The following DGKB variants were observed in gnomAD, a reference collection of about 807,000 sequenced individuals.
The protein encoded by DGKB is diacylglycerol kinase beta.
A neutral mutation model predicts 114.3 loss-of-function variants in DGKB; 67 were observed. That is an observed-to-expected ratio of 0.59 (90% CI 0.48 to 0.72). The LOEUF (loss-of-function observed/expected upper bound fraction) is 0.72, where lower values mean the gene tolerates loss of function less well. Ranked by LOEUF, DGKB falls within the 30% of genes least tolerant of loss-of-function variation. The pLI, the probability that DGKB is intolerant of heterozygous loss-of-function variation, is 0.00. For missense variants in DGKB, 907 were observed against 975.2 expected, an observed-to-expected ratio of 0.93 and a Z score of 0.93; for synonymous variants, 398 against 323.1, an observed-to-expected ratio of 1.23 and a Z score of -2.49.
intron 23 of DGKB, among the ~76,000 whole-genome samples, chr7:14,264,448 A>G (rs1797209182): frequency 6.6e-6 from 1 of 152,144 alleles, no homozygotes. Context: ...TTTTTTAGGC[A>G]GAGGTCCTAA....
At chr7:14,541,695 T>C (rs1314278421) in intron 20 of DGKB, among the ~76,000 whole-genome samples, 1 of 152,194 alleles carries the variant, frequency 6.6e-6, no homozygotes, top group Admixed American at 6.5e-5. Flanking sequence ...GTACCTTCTA[T>C]AGGCTTTTCT....
chr7:14,254,381 G>C (rs138130956), intron 23 of DGKB, among the ~76,000 whole-genome samples: 1,567 of 152,192 alleles, frequency 0.01, 9 homozygotes, highest in South Asian at 0.017. Flanking sequence ...CTCTGATCTT[G>C]ATATCACATG....
At chr7:14,295,282 G>A (rs1445831578) in intron 23 of DGKB, among the ~76,000 whole-genome samples, 3 of 152,106 alleles carry the variant, frequency 2.0e-5, no homozygotes, top group Admixed American at 1.3e-4. Flanking sequence ...AACCATCATT[G>A]TCTGATAACC....
rs1429150448 is a variant in DGKB at position 14,372,999 on chromosome 7, C to A, written c.1836-27608G>T. ...TGGAGGGGATAAGGCCACAACTCTA[C>A]GTTTGATCCATAAGGTGTTAGGAAA... On this transcript the variant is annotated intron_variant, in intron 21 of 25. Transcript: ENST00000402815. 2.0e-5 allele frequency among the ~76,000 whole-genome samples: 3 copies of A among 152,148 alleles called. No homozygotes were observed. In the South Asian group the frequency reaches 6.2e-4, roughly 31 times the overall value.
chr7:14,957,098 G>C (rs1464831966), intron 1 of DGKB, among the ~76,000 whole-genome samples: 1 of 151,734 alleles, frequency 6.6e-6, no homozygotes, highest in African/African-American at 2.4e-5. Flanking sequence ...AAAATTTTCT[G>C]TTTCAAAGTT....
At chr7:14,829,706 TAAC>T (rs1376294658) in intron 2 of DGKB, among the ~76,000 whole-genome samples, 1 of 152,028 alleles carries the variant, frequency 6.6e-6, no homozygotes, top group African/African-American at 2.4e-5. Context: ...GTAGATAAGG[TAAC>T]AAGAGGAAAA....
At chr7:14,824,573 ATC>A (rs1845399471) in intron 2 of DGKB, among the ~76,000 whole-genome samples, 1 of 152,140 alleles carries the variant, frequency 6.6e-6, no homozygotes, top group Non-Finnish European at 1.5e-5. Context: ...TGAAAAAATA[ATC>A]AAGATCCTGA....
intron 6 of DGKB, among the ~76,000 whole-genome samples, chr7:14,706,532 C>T (rs1435552734): frequency 4.2e-5 from 6 of 144,526 alleles, no homozygotes; most frequent in African/African-American, 1.6e-4. Context: ...AGCACCACAC[C>T]ACACCTATTC....
At chr7:14,661,358 GA>G (rs1297560995) in intron 13 of DGKB, among the ~76,000 whole-genome samples, 1 of 144,740 alleles carries the variant, frequency 6.9e-6, no homozygotes, top group African/African-American at 2.5e-5. Flanking sequence ...AAATTTACAA[GA>G]AAAAAACAAA....
intron 1 of DGKB, among the ~76,000 whole-genome samples, chr7:14,883,428 C>A (rs955746616): frequency 6.6e-6 from 1 of 151,810 alleles, no homozygotes; most frequent in Non-Finnish European, 1.5e-5. Context: ...AACAAATGCA[C>A]ATTGTAACAC....
chr7:14,151,585 T>G (rs537127383), intron 25 of DGKB, among the ~76,000 whole-genome samples: 1 of 152,234 alleles, frequency 6.6e-6, no homozygotes, highest in Non-Finnish European at 1.5e-5. Context: ...AGTTCTAGTT[T>G]GCAGTCACTA....
intron 20 of DGKB, among the ~76,000 whole-genome samples, chr7:14,510,380 C>G (rs1787811239): frequency 6.6e-6 from 1 of 152,182 alleles, no homozygotes; most frequent in Non-Finnish European, 1.5e-5. Context: ...AGTATCTTTA[C>G]TAGGAGTGCA....
intron 25 of DGKB, among the ~76,000 whole-genome samples, chr7:14,167,075 G>A (rs1454369515): frequency 6.6e-6 from 1 of 152,010 alleles, no homozygotes; most frequent in Admixed American, 6.6e-5. Flanking sequence ...CCTGAGCGTA[G>A]TAGTGTGTGC....
At chr7:14,525,737 T>C (rs1230137523) in intron 20 of DGKB, among the ~76,000 whole-genome samples, 1 of 152,184 alleles carries the variant, frequency 6.6e-6, no homozygotes, top group Non-Finnish European at 1.5e-5. Context: ...AAGTAAAAGT[T>C]TTATTTGTGT....
At chr7:14,754,340 A>G (rs6975559) in intron 3 of DGKB, among the ~76,000 whole-genome samples, 6,074 of 152,276 alleles carry the variant, frequency 0.04, 395 homozygotes, top group African/African-American at 0.14. Context: ...TGTAACACAT[A>G]CAGTGTGATT....
chr7:14,184,201 G>A (rs892635124), intron 23 of DGKB, among the ~76,000 whole-genome samples: 1 of 152,138 alleles, frequency 6.6e-6, no homozygotes, highest in South Asian at 2.1e-4. Context: ...CAACGGGAGG[G>A]TGACCAGAGG....
Position 14,292,469 on chromosome 7 carries a change from C to G in DGKB, c.2122+46046G>C, listed in dbSNP as rs114585641. 4.1e-3 allele frequency among the ~76,000 whole-genome samples: 622 copies of G among 152,256 alleles called. 2 individuals are homozygous for G. Among genetic ancestry groups the G allele is most frequent in the African/African-American group, 0.014 (602 of 41,566 alleles). ...TTCACATCTCGGATTGACTACAATTCAAACCTGGTTATTTGTTTCTTTATC... is the reference window on the plus strand; with the variant it reads ...TTCACATCTCGGATTGACTACAATTGAAACCTGGTTATTTGTTTCTTTATC... On this transcript the variant is annotated intron_variant, in intron 23 of 25. Transcript: ENST00000402815.
chr7:14,736,185 A>G lies in DGKB; in HGVS notation c.178T>C (p.Phe60Leu), dbSNP rs749346734. ...TTCATGAATAGTTTGAAACCTTCAA[A>G]ATCTATTGTCTGGAAAAAAAAAATG... is the stretch of plus-strand genomic sequence containing the variant. ...KQDILNQTID[F>L]EGFKLFMKTF... Residue 60 changes from phenylalanine to leucine, a missense_variant, in exon 5 of 26, where the codon TTT becomes CTT. By Grantham distance (22) the Phe-to-Leu change is conservative. Transcript: ENST00000402815. 5 of 1,539,258 alleles carry G rather than the reference A, an allele frequency of 3.2e-6. No homozygotes were observed. The South Asian group carries it at 6.0e-5, about 18-fold the overall frequency.
At chr7:14,596,379 A>G (rs1802579118) in intron 17 of DGKB, among the ~76,000 whole-genome samples, 1 of 152,148 alleles carries the variant, frequency 6.6e-6, no homozygotes, top group African/African-American at 2.4e-5. Flanking sequence ...TTTCTCCCCT[A>G]CTATACACAT....
Sources: gnomAD v4.1 joint callset for allele counts (sites outside exome capture counted in the v4.1 genomes callset) on GRCh38, gnomAD v4.1.1 for gene constraint, MANE v1.5 for transcripts, NCBI Gene and HGNC (gene_info 2026-07-23, HGNC 2026-07-21) for gene names.